Variants in ARID5B observed in about 807,000 individuals in gnomAD.
The protein encoded by ARID5B is AT-rich interactive domain-containing protein 5B.
In ARID5B, 13 loss-of-function variants were observed where a neutral mutation model predicts 97.2. That is an observed-to-expected ratio of 0.13 (90% CI 0.09 to 0.21). ARID5B has a LOEUF of 0.21. ARID5B is among the 10% of genes least tolerant of loss of function. ARID5B has a pLI of 1.00. For missense variants in ARID5B, 1,210 were observed against 1,465.3 expected, an observed-to-expected ratio of 0.83 and a Z score of 2.84; for synonymous variants, 556 against 570.3, an observed-to-expected ratio of 0.97 and a Z score of 0.36.
intron 4 of ARID5B, among the ~76,000 whole-genome samples, chr10:62,050,029 G>C (rs769102145): frequency 6.6e-6 from 1 of 152,094 alleles, no homozygotes; most frequent in Non-Finnish European, 1.5e-5. Context: ...AGCTGATGCC[G>C]GATAGTCATA....
At chr10:61,958,860 C>T (rs1184604902) in intron 3 of ARID5B, among the ~76,000 whole-genome samples, 1 of 152,188 alleles carries the variant, frequency 6.6e-6, no homozygotes, top group Non-Finnish European at 1.5e-5. Flanking sequence ...GTCAAAATTC[C>T]TAATATTCCA....
At chr10:61,965,571 C>G (rs914683578) in intron 3 of ARID5B, among the ~76,000 whole-genome samples, 1 of 152,100 alleles carries the variant, frequency 6.6e-6, no homozygotes, top group Non-Finnish European at 1.5e-5. Context: ...TGATATGTCC[C>G]TCTCTGAAGT....
At chr10:62,084,885 G>C (rs954147431) in intron 8 of ARID5B, among the ~76,000 whole-genome samples, 1 of 152,060 alleles carries the variant, frequency 6.6e-6, no homozygotes, top group African/African-American at 2.4e-5. Flanking sequence ...TCGCTGGGGC[G>C]GTCTTTTACT....
At chr10:61,910,844 G>A (rs937928120) in intron 2 of ARID5B, among the ~76,000 whole-genome samples, 4 of 152,148 alleles carry the variant, frequency 2.6e-5, no homozygotes, top group Non-Finnish European at 4.4e-5. Flanking sequence ...GTTTAATTAC[G>A]CGAATTTTCT....
rs5785508 is a variant in ARID5B at position 62,045,447 on chromosome 10, ATT to A, written c.734-5424_734-5423del. ...GCTCCATGCTGAAACTTGCCAGGGTATTTTTTTTTTTTTTTTTTAGACGAAGT... is the reference window on the plus strand; with the variant it reads ...GCTCCATGCTGAAACTTGCCAGGGTATTTTTTTTTTTTTTTTAGACGAAGT... On this transcript the variant is annotated intron_variant, in intron 4 of 9. Coordinates refer to ENST00000279873, the MANE Select transcript of ARID5B (RefSeq NM_032199.3). 9.1e-3 allele frequency among the ~76,000 whole-genome samples: 1,263 copies of A among 139,536 alleles called. 4 individuals carry two copies. Among genetic ancestry groups the A allele is most frequent in the African/African-American group, 9.1e-3 (344 of 37,814 alleles). 91.5% of individuals were successfully genotyped at this position (139,536 alleles called of 152,430 possible). A position where few individuals can be genotyped will look rare whatever the true frequency, so the allele number is the denominator to read the frequency against.
intron 4 of ARID5B, among the ~76,000 whole-genome samples, chr10:62,017,174 G>A (rs1189231212): frequency 3.3e-5 from 5 of 152,136 alleles, no homozygotes; most frequent in Non-Finnish European, 5.9e-5. Flanking sequence ...AAACTGCCCA[G>A]ACAGCAAACA....
intron 3 of ARID5B, among the ~76,000 whole-genome samples, chr10:61,972,387 C>T (rs1838641662): frequency 6.6e-6 from 1 of 151,966 alleles, no homozygotes; most frequent in Non-Finnish European, 1.5e-5. Context: ...ACCACCACAT[C>T]CGGCTAATTT....
intron 2 of ARID5B, among the ~76,000 whole-genome samples, chr10:61,932,553 G>A (rs1349206802): frequency 6.6e-6 from 1 of 151,890 alleles, no homozygotes; most frequent in Admixed American, 6.6e-5. Flanking sequence ...GGAACTATGG[G>A]TGTGTGCCAC....
chr10:62,015,676 T>C (rs1160807337), intron 4 of ARID5B, among the ~76,000 whole-genome samples: 4 of 152,124 alleles, frequency 2.6e-5, no homozygotes, highest in Admixed American at 1.3e-4. Flanking sequence ...CAGGCTGGAG[T>C]GCAGTGGCGC....
At chr10:62,048,135 G>C (rs1839735787) in intron 4 of ARID5B, among the ~76,000 whole-genome samples, 1 of 152,252 alleles carries the variant, frequency 6.6e-6, no homozygotes, top group Non-Finnish European at 1.5e-5. Flanking sequence ...TGCCCAGTGT[G>C]ACAAGTATAC....
At chr10:61,966,141 A>G (rs1281599642) in intron 3 of ARID5B, among the ~76,000 whole-genome samples, 2 of 152,222 alleles carry the variant, frequency 1.3e-5, no homozygotes, top group Non-Finnish European at 1.5e-5. Context: ...CCAATTTACT[A>G]TATTTTCTTT....
chr10:61,902,500 AT>A, intron 2 of ARID5B, 87 bp downstream of exon 2: 1 of 1,525,614 alleles, frequency 6.6e-7, no homozygotes, highest in East Asian at 2.3e-5. Flanking sequence ...AAAATACTGT[AT>A]TCACTTCTGC....
intron 3 of ARID5B, among the ~76,000 whole-genome samples, chr10:61,951,796 AT>A (rs1472020694): frequency 1.3e-5 from 2 of 152,234 alleles, no homozygotes; most frequent in African/African-American, 4.8e-5. Context: ...ATTTTTCCTC[AT>A]AAAAATAAAA....
rs777875964 is a variant in ARID5B at position 62,000,360 on chromosome 10, G to A, written c.733+39G>A. ...TTTTTTTCCTACCTGATTCTTGTGC[G>A]TGTGTGCCTAGTTGTTTTCAGTTCT... On this transcript the variant is annotated intron_variant, in intron 4 of 9. Transcript: ENST00000279873. The surrounding 1 kb of genome is among the most constrained non-coding windows in gnomAD (Gnocchi z 4.4). 6 of 1,516,462 alleles carry A rather than the reference G, an allele frequency of 4.0e-6. No homozygotes were observed. The highest frequency in any genetic ancestry group is 2.4e-5 in the South Asian group (2 of 83,414). 93.9% of individuals were successfully genotyped at this position (1,516,462 alleles called of 1,614,324 possible).
chr10:62,069,942 G>A, intron 8 of ARID5B, 145 bp downstream of exon 8: 2 of 703,646 alleles, frequency 2.8e-6, no homozygotes, highest in East Asian at 2.8e-5. Context: ...ATACCGCCTT[G>A]TGATTTTTAG....
chr10:61,988,150 G>A (rs1160154562), intron 3 of ARID5B, among the ~76,000 whole-genome samples: 1 of 152,212 alleles, frequency 6.6e-6, no homozygotes, highest in Admixed American at 6.5e-5. Flanking sequence ...CACATTAGAA[G>A]GTGCCGGAGT....
intron 3 of ARID5B, among the ~76,000 whole-genome samples, chr10:61,963,860 C>T (rs12246030): frequency 6.6e-6 from 1 of 151,788 alleles, no homozygotes; most frequent in Non-Finnish European, 1.5e-5. Flanking sequence ...ACCTGTGCCC[C>T]CAGTGTACCT....
At chr10:62,048,004 G>A (rs1839733805) in intron 4 of ARID5B, among the ~76,000 whole-genome samples, 1 of 152,092 alleles carries the variant, frequency 6.6e-6, no homozygotes, top group Non-Finnish European at 1.5e-5. Context: ...CTAGATTATA[G>A]CCTTACTGAG....
At chr10:62,002,600 T>C (rs963751074) in intron 4 of ARID5B, among the ~76,000 whole-genome samples, 10 of 152,204 alleles carry the variant, frequency 6.6e-5, no homozygotes, top group African/African-American at 2.4e-4. Context: ...CAACCTAAAT[T>C]TCCAAAGAGC....
Sources: allele counts gnomAD v4.1 joint callset (sites outside exome capture counted in the v4.1 genomes callset), GRCh38; gene constraint gnomAD v4.1.1; non-coding constraint Gnocchi (gnomAD v3.1); transcripts MANE v1.5; gene names NCBI Gene and HGNC (gene_info 2026-07-23, HGNC 2026-07-21).